Variants in NAV3 observed in about 807,000 individuals in gnomAD.
NAV3 encodes neuron navigator 3.
In NAV3, 87 loss-of-function variants were observed where a neutral mutation model predicts 244.7. The ratio of observed to expected loss-of-function variants is 0.36; its 90% CI spans 0.30 to 0.42. The LOEUF (loss-of-function observed/expected upper bound fraction) is 0.42, where lower values mean the gene tolerates loss of function less well. NAV3 is among the 20% of genes least tolerant of loss of function. The pLI is 1.00. For missense variants in NAV3, 2,663 were observed against 2,893.3 expected (o/e 0.92, Z 1.83); for synonymous variants, 1,126 against 1,042.2 (o/e 1.08, Z -1.55).
At chr12:77,681,825 C>T (rs1414470856) in intron 2 of NAV3, among the ~76,000 whole-genome samples, 2 of 152,150 alleles carry the variant, frequency 1.3e-5, no homozygotes, top group Non-Finnish European at 2.9e-5. Context: ...CCTTTAATTT[C>T]TGGCTTTATA....
At chr12:77,756,162 G>A (rs12231430) in intron 2 of NAV3, among the ~76,000 whole-genome samples, 5,483 of 152,112 alleles carry the variant, frequency 0.036, 331 homozygotes, top group African/African-American at 0.13. Context: ...TACAAAGACC[G>A]CCACCAGGTA....
intron 2 of NAV3, among the ~76,000 whole-genome samples, chr12:77,739,238 A>G (rs1267615119): frequency 2.6e-5 from 4 of 152,164 alleles, no homozygotes; most frequent in Admixed American, 6.6e-5. Context: ...CTTATATAGT[A>G]TATAAATGTC....
intron 2 of NAV3, among the ~76,000 whole-genome samples, chr12:77,658,337 A>G (rs1220905625): frequency 6.6e-6 from 1 of 151,152 alleles, no homozygotes; most frequent in Non-Finnish European, 1.5e-5. Flanking sequence ...GAGCCAAATC[A>G]TGAGTGAACT....
At chr12:78,014,946 C>T (rs533461042) in intron 8 of NAV3, among the ~76,000 whole-genome samples, 3 of 152,186 alleles carry the variant, frequency 2.0e-5, no homozygotes, top group African/African-American at 4.8e-5. Flanking sequence ...TATGTATCTG[C>T]ACATCAGGTA....
intron 8 of NAV3, chr12:78,011,027 G>C (rs974137122): frequency 6.6e-6 from 1 of 152,078 alleles, no homozygotes; most frequent in African/African-American, 2.4e-5. Flanking sequence ...TCTCTACAGA[G>C]TGATAAAGTA....
At chr12:77,984,371 G>C (rs895749572) in intron 5 of NAV3, among the ~76,000 whole-genome samples, 3 of 152,196 alleles carry the variant, frequency 2.0e-5, no homozygotes, top group African/African-American at 7.2e-5. Context: ...ACCAAGGGAT[G>C]TGGTATTAGG....
chr12:78,178,940 G>A (rs556013223), intron 28 of NAV3, among the ~76,000 whole-genome samples: 2 of 152,204 alleles, frequency 1.3e-5, no homozygotes, highest in East Asian at 3.9e-4. Flanking sequence ...TGATTTAGCT[G>A]TGATCTCCTA....
At chr12:77,730,559 G>A (rs1317477121) in intron 2 of NAV3, among the ~76,000 whole-genome samples, 1 of 151,822 alleles carries the variant, frequency 6.6e-6, no homozygotes, top group African/African-American at 2.4e-5. Flanking sequence ...ATTGAGCATT[G>A]TTATGTGTCT....
At chr12:77,628,923 C>CA (rs1871762789) in intron 2 of NAV3, among the ~76,000 whole-genome samples, 3 of 140,942 alleles carry the variant, frequency 2.1e-5, no homozygotes, top group African/African-American at 8.9e-5. Context: ...AAAAAGAATC[C>CA]AAAATCAAAA....
intron 12 of NAV3, among the ~76,000 whole-genome samples, chr12:78,065,493 A>G (rs915620824): frequency 1.3e-5 from 2 of 152,180 alleles, no homozygotes; most frequent in Admixed American, 1.3e-4. Context: ...AAGAACAACC[A>G]TTGGAGAGAC....
chr12:78,190,781 G>T (rs1246687288), intron 34 of NAV3, among the ~76,000 whole-genome samples: 1 of 151,996 alleles, frequency 6.6e-6, no homozygotes, highest in Non-Finnish European at 1.5e-5. Context: ...ACCATCTACG[G>T]TCTAATGTGC....
intron 1 of NAV3, among the ~76,000 whole-genome samples, chr12:77,921,309 G>A (rs998529144): frequency 2.6e-5 from 4 of 151,952 alleles, no homozygotes; most frequent in African/African-American, 4.8e-5. Context: ...AGGCAATACC[G>A]ACTGTGAAAT....
Position 77,831,710 on chromosome 12 carries a change from TTGCTGAAGTTACC to T in NAV3, c.243+10_243+22del, listed in dbSNP as rs776999809. 36 of 1,593,934 alleles carry T rather than the reference TTGCTGAAGTTACC, an allele frequency of 2.3e-5. No homozygotes were observed. The highest frequency in any genetic ancestry group is 3.0e-5 in the Non-Finnish European group (35 of 1,172,442). On this transcript the variant is annotated splice_region_variant and intron_variant, in intron 1 of 39. Coordinates refer to ENST00000397909, the MANE Select transcript of NAV3 (RefSeq NM_001024383.2). ...AGGAGAAAGAAGACAGCAAGGTTAG[TTGCTGAAGTTACC>T]TGCAGACTTGTGTAGCTAAAATGCA...
chr12:77,843,606 A>T (rs1161330421), intron 1 of NAV3, among the ~76,000 whole-genome samples: 3 of 151,804 alleles, frequency 2.0e-5, no homozygotes, highest in Admixed American at 6.6e-5. Context: ...TTTCAATATT[A>T]AATTCCTATT....
At chr12:77,910,080 A>G (rs556383014) in intron 1 of NAV3, among the ~76,000 whole-genome samples, 1 of 152,120 alleles carries the variant, frequency 6.6e-6, no homozygotes, top group African/African-American at 2.4e-5. Context: ...GTTTAATTAG[A>G]TAGGAAATTT....
intron 2 of NAV3, among the ~76,000 whole-genome samples, chr12:77,696,499 A>G (rs969352601): frequency 1.3e-5 from 2 of 152,108 alleles, no homozygotes; most frequent in Non-Finnish European, 2.9e-5. Context: ...ATAATTCCTC[A>G]GATAAGACCA....
chr12:78,095,220 A>T (rs1193495410), intron 12 of NAV3, among the ~76,000 whole-genome samples: 1 of 152,060 alleles, frequency 6.6e-6, no homozygotes, highest in Non-Finnish European at 1.5e-5. Context: ...AGCACAGTGA[A>T]TAAAACCTCT....
chr12:78,066,380 C>A (rs1012479051), intron 12 of NAV3, among the ~76,000 whole-genome samples: 1 of 152,000 alleles, frequency 6.6e-6, no homozygotes, highest in Non-Finnish European at 1.5e-5. Flanking sequence ...CAAGCTATAA[C>A]CTGGGTTACT....
Position 77,736,603 on chromosome 12 carries a change from G to A in NAV3, c.72+164337G>A, listed in dbSNP as rs892317984. On this transcript the variant is annotated intron_variant, in intron 2 of 8. Coordinates refer to the NAV3 transcript ENST00000550042. ...ATATATTTCTTACATGGTAATTTAG[G>A]GCTCACAGGGGTGCAAAAATTTAGA... Among the ~76,000 whole-genome samples, 10 of 152,154 alleles carry A rather than the reference G, an allele frequency of 6.6e-5. No individual in the cohort carries two copies. In the South Asian group the frequency reaches 8.3e-4, roughly 13 times the overall value.
Sources: gnomAD v4.1 joint callset for allele counts (sites outside exome capture counted in the v4.1 genomes callset) on GRCh38, gnomAD v4.1.1 for gene constraint, MANE v1.5 for transcripts, NCBI Gene and HGNC (gene_info 2026-07-23, HGNC 2026-07-21) for gene names.